Variants in PLPP4 observed in about 807,000 individuals in gnomAD.
PLPP4 encodes the protein diacylglycerol pyrophosphate like 2.
In PLPP4, 20 loss-of-function variants were observed where a neutral mutation model predicts 32.2. The observed-to-expected ratio is 0.62, with a 90% CI of 0.44 to 0.90. The LOEUF is 0.90. Among genes scored for constraint, PLPP4 ranks in the 40% least tolerant of loss-of-function variants. PLPP4 has a pLI of 0.00. For synonymous variants in PLPP4, 127 were observed against 133.0 expected, an observed-to-expected ratio of 0.95 and a Z score of 0.31; for missense variants, 257 against 353.1, an observed-to-expected ratio of 0.73 and a Z score of 2.18.
intron 2 of PLPP4, among the ~76,000 whole-genome samples, chr10:120,512,716 G>A (rs1412377181): frequency 1.3e-5 from 2 of 152,204 alleles, no homozygotes; most frequent in African/African-American, 4.8e-5. Flanking sequence ...AGGAGGCTGA[G>A]GCAGGAGAAT....
At chr10:120,515,507 G>C (rs1047565285) in intron 3 of PLPP4, among the ~76,000 whole-genome samples, 1 of 152,166 alleles carries the variant, frequency 6.6e-6, no homozygotes, top group African/African-American at 2.4e-5. Context: ...CAGAGTCTCT[G>C]GCTCAGCTCA....
intron 4 of PLPP4, among the ~76,000 whole-genome samples, chr10:120,519,705 G>T (rs1471622156): frequency 6.6e-6 from 1 of 152,076 alleles, no homozygotes. Context: ...AGCTGTTCTG[G>T]TAGACTGCTT....
Position 120,513,972 on chromosome 10 carries a change from A to G in PLPP4, c.227A>G (p.Asp76Gly), listed in dbSNP as rs1320838774. 6.2e-7 allele frequency: 1 copy of G among 1,614,058 alleles called. No homozygotes were observed. The change falls in exon 3 of 7, where the codon GAC (aspartate) becomes GGC (glycine). Residue 76 changes from aspartate (D) to glycine (G), a missense_variant. Coordinates refer to ENST00000398250, the MANE Select transcript of PLPP4 (RefSeq NM_001030059.3). ...GTGGTGAAAATTATCCGGCGAACAGACAAGACTGAAATTAAGGAAGCCTTC... is the reference window on the plus strand; with the variant it reads ...GTGGTGAAAATTATCCGGCGAACAGGCAAGACTGAAATTAAGGAAGCCTTC... ...ICVVKIIRRT[D>G]KTEIKEAFLA... is the part of the protein sequence containing the mutation.
chr10:120,558,740 A>G (rs537871624), intron 5 of PLPP4, among the ~76,000 whole-genome samples: 1 of 152,080 alleles, frequency 6.6e-6, no homozygotes, highest in East Asian at 1.9e-4. Context: ...TTTCATTTTT[A>G]TCTGCCACTT....
At chr10:120,556,003 C>G (rs1016717786) in intron 5 of PLPP4, among the ~76,000 whole-genome samples, 2 of 152,150 alleles carry the variant, frequency 1.3e-5, no homozygotes, top group Non-Finnish European at 2.9e-5. Flanking sequence ...AGGACTGCCC[C>G]CCTCTGCTTT....
rs188167204 is a variant in PLPP4 at position 120,463,473 on chromosome 10, A to G, written c.56+6112A>G. Among the ~76,000 whole-genome samples, 22 of 152,336 alleles carry G rather than the reference A, an allele frequency of 1.4e-4. No individual in the cohort carries two copies. The East Asian group carries it at 4.2e-3, about 29-fold the overall frequency. Reference sequence around the variant, plus strand: ...TCTCTGAACCTCAGTTTCTTCATGTAGGAAATGGAGCTAATACTTACTTCA... The same window carrying G: ...TCTCTGAACCTCAGTTTCTTCATGTGGGAAATGGAGCTAATACTTACTTCA... On this transcript the variant is annotated intron_variant, in intron 1 of 6. Coordinates refer to ENST00000398250, the MANE Select transcript of PLPP4 (RefSeq NM_001030059.3).
intron 3 of PLPP4, among the ~76,000 whole-genome samples, chr10:120,517,806 A>G (rs1255559075): frequency 6.6e-6 from 1 of 151,566 alleles, no homozygotes; most frequent in Non-Finnish European, 1.5e-5. Flanking sequence ...TGCTCATAGA[A>G]CAACACGTTT....
At chr10:120,554,433 A>ATC (rs1848055608) in intron 5 of PLPP4, among the ~76,000 whole-genome samples, 2 of 145,588 alleles carry the variant, frequency 1.4e-5, no homozygotes, top group South Asian at 4.4e-4. Flanking sequence ...ACTCTCCATC[A>ATC]TCTTCCTGTC....
chr10:120,582,379 C>T (rs1849550123), intron 6 of PLPP4, among the ~76,000 whole-genome samples: 1 of 152,114 alleles, frequency 6.6e-6, no homozygotes, highest in Non-Finnish European at 1.5e-5. Context: ...TCTGTGTGTC[C>T]TCACATCAGC....
At chr10:120,551,271 G>C (rs1454826219) in intron 5 of PLPP4, among the ~76,000 whole-genome samples, 1 of 152,298 alleles carries the variant, frequency 6.6e-6, no homozygotes, top group East Asian at 1.9e-4. Context: ...ATTCTCAAAT[G>C]TTGCTGGTGA....
intron 5 of PLPP4, among the ~76,000 whole-genome samples, chr10:120,524,063 C>T (rs1401353921): frequency 6.6e-6 from 1 of 152,178 alleles, no homozygotes; most frequent in Non-Finnish European, 1.5e-5. Flanking sequence ...TTGACAGAGG[C>T]AATTATATCC....
chr10:120,556,762 T>G (rs762403240), intron 5 of PLPP4, among the ~76,000 whole-genome samples: 1 of 152,194 alleles, frequency 6.6e-6, no homozygotes, highest in Non-Finnish European at 1.5e-5. Flanking sequence ...AGTATCTTGC[T>G]TGAGGTCACA....
chr10:120,579,943 TAAA>T (rs34914600), intron 6 of PLPP4, among the ~76,000 whole-genome samples: 2 of 127,256 alleles, frequency 1.6e-5, no homozygotes. Flanking sequence ...CCGTCTCTAC[TAAA>T]AAAAAAAAAA....
intron 2 of PLPP4, among the ~76,000 whole-genome samples, chr10:120,510,773 G>C (rs1241829581): frequency 1.3e-5 from 2 of 152,128 alleles, no homozygotes; most frequent in Admixed American, 1.3e-4. Flanking sequence ...AAAAATGTTT[G>C]TGTACAAGGG....
At chr10:120,542,009 C>G (rs1040885258) in intron 5 of PLPP4, among the ~76,000 whole-genome samples, 1 of 152,174 alleles carries the variant, frequency 6.6e-6, no homozygotes, top group East Asian at 1.9e-4. Flanking sequence ...AACTCCTGAC[C>G]TCGTGATTCA....
At chr10:120,528,069 G>GTTTTTTT (rs35501001) in intron 5 of PLPP4, among the ~76,000 whole-genome samples, 16 of 84,268 alleles carry the variant, frequency 1.9e-4, no homozygotes, top group South Asian at 4.8e-4. Flanking sequence ...ACCACTCTCC[G>GTTTTTTT]TTTTTTTTTT....
intron 1 of PLPP4, among the ~76,000 whole-genome samples, chr10:120,498,881 A>G (rs1373195001): frequency 6.6e-6 from 1 of 152,078 alleles, no homozygotes; most frequent in East Asian, 1.9e-4. Flanking sequence ...GCTGGTCTCA[A>G]ACTCCTTGCC....
At chr10:120,530,723 A>G (rs1846667757) in intron 5 of PLPP4, among the ~76,000 whole-genome samples, 1 of 152,148 alleles carries the variant, frequency 6.6e-6, no homozygotes, top group South Asian at 2.1e-4. Flanking sequence ...ATTGGAAGAA[A>G]CCATCCAGCC....
At position 120,590,334 on chromosome 10, in the gene PLPP4, G is replaced by A. The variant is rs1057249140; in HGVS notation, c.*832G>A. 1.3e-5 allele frequency among the ~76,000 whole-genome samples: 2 copies of A among 152,200 alleles called. No homozygotes were observed. Among genetic ancestry groups the A allele is most frequent in the Non-Finnish European group, 2.9e-5 (2 of 68,040 alleles). On this transcript the variant is annotated 3_prime_UTR_variant, in exon 7 of 7. Coordinates refer to ENST00000398250, the MANE Select transcript of PLPP4 (RefSeq NM_001030059.3). ...TGACCGATCTCACAGATCAGAAACC[G>A]CATGCCTGGGGCTCATCTCAAGGGA...
Sources: allele counts gnomAD v4.1 joint callset (sites outside exome capture counted in the v4.1 genomes callset), GRCh38; gene constraint gnomAD v4.1.1; transcripts MANE v1.5; gene names NCBI Gene and HGNC (gene_info 2026-07-23, HGNC 2026-07-21).